The following TRAP1 variants were observed in gnomAD, a reference collection of about 807,000 sequenced individuals.
TRAP1 encodes heat shock protein 75 kDa, mitochondrial.
TRAP1 carries 102 observed loss-of-function variants against 89.1 expected under a neutral mutation model. That is an observed-to-expected ratio of 1.15 (90% CI 0.98 to 1.35). TRAP1 has a LOEUF of 1.35. Ranked by LOEUF, TRAP1 falls within the 40% of genes most tolerant of loss-of-function variation. The probability of loss-of-function intolerance (pLI) is 0.00; values close to 1 mark genes in which losing one functional copy is unlikely to be tolerated. For synonymous variants in TRAP1, 508 were observed against 388.0 expected, an observed-to-expected ratio of 1.31 and a Z score of -3.64; for missense variants, 1,256 against 945.3, an observed-to-expected ratio of 1.33 and a Z score of -4.31.
chr16:3,712,366 C>T (rs1441575312), intron 1 of TRAP1, among the ~76,000 whole-genome samples: 1 of 137,620 alleles, frequency 7.3e-6, no homozygotes, highest in Non-Finnish European at 1.5e-5. Context: ...GCCTCAGTAA[C>T]AGCCTCTTTC....
chr16:3,698,920 C>A (rs1200826760), intron 1 of TRAP1, among the ~76,000 whole-genome samples: 1 of 151,946 alleles, frequency 6.6e-6, no homozygotes, highest in Non-Finnish European at 1.5e-5. Flanking sequence ...AAAAATAAAC[C>A]ATTAGAGGAA....
At chr16:3,674,670 C>G in intron 8 of TRAP1, 176 bp from the exon 9 acceptor site, 1 of 724,092 alleles carries the variant, frequency 1.4e-6, no homozygotes, top group South Asian at 1.9e-5. Context: ...CCGGGTAGTG[C>G]AGGGGAGACA....
intron 1 of TRAP1, among the ~76,000 whole-genome samples, chr16:3,705,878 A>G (rs1422598504): frequency 6.6e-6 from 1 of 151,540 alleles, no homozygotes; most frequent in East Asian, 1.9e-4. Context: ...TTTTTAGTAG[A>G]GACGGGGTTT....
chr16:3,675,572 G>A (rs1023510384), intron 7 of TRAP1, among the ~76,000 whole-genome samples, 175 bp from the exon 8 acceptor site: 1 of 152,126 alleles, frequency 6.6e-6, no homozygotes, highest in Non-Finnish European at 1.5e-5. Flanking sequence ...CCAGTCTCAC[G>A]GGGGCAGCAG....
intron 5 of TRAP1, among the ~76,000 whole-genome samples, chr16:3,679,383 A>G (rs1362612727): frequency 6.6e-6 from 1 of 152,216 alleles, no homozygotes; most frequent in African/African-American, 2.4e-5. Context: ...TATATCTAGC[A>G]TTTACATTCT....
At chr16:3,658,750 G>T (rs1361027563) in intron 17 of TRAP1, 43 bp downstream of exon 17, 3 of 1,577,296 alleles carry the variant, frequency 1.9e-6, no homozygotes, top group Non-Finnish European at 1.7e-6. Context: ...TGGCAGGGCT[G>T]GTAGCCTGGG....
intron 11 of TRAP1, among the ~76,000 whole-genome samples, chr16:3,671,037 G>A (rs2050906194): frequency 1.3e-5 from 2 of 152,102 alleles, no homozygotes; most frequent in South Asian, 4.1e-4. Context: ...GAAACCGGTG[G>A]GCAGAGAAAC....
intron 9 of TRAP1, among the ~76,000 whole-genome samples, chr16:3,673,537 G>T (rs760743360): frequency 6.6e-6 from 1 of 152,216 alleles, no homozygotes; most frequent in Middle Eastern, 3.4e-3. Flanking sequence ...TTAAAATGTG[G>T]GGCGACCTGG....
At chr16:3,695,789 C>T (rs2051279043) in intron 1 of TRAP1, among the ~76,000 whole-genome samples, 1 of 152,120 alleles carries the variant, frequency 6.6e-6, no homozygotes, top group Middle Eastern at 3.2e-3. Context: ...GCGGAGTCAG[C>T]AGGTCTGAGC....
Position 3,671,760 on chromosome 16 carries a change from G to T in TRAP1, c.1197C>A (p.Asn399Lys). 6.2e-7 allele frequency: 1 copy of T among 1,613,272 alleles called. No homozygotes were observed. ...GVVDSEDIPL[N>K]LSRELLQESA... ...TCTCCTGCAGCAGCTCCCGGCTGAG[G>T]TTCAGGGGAATGTCCTCACTGTCCA... The change falls in exon 11 of 18, where the codon AAC becomes AAA. Residue 399 changes from asparagine to lysine, a missense_variant. Coordinates refer to ENST00000246957, the MANE Select transcript of TRAP1 (RefSeq NM_016292.3).
At chr16:3,714,744 T>G (rs962989460) in intron 1 of TRAP1, among the ~76,000 whole-genome samples, 10 of 152,120 alleles carry the variant, frequency 6.6e-5, no homozygotes, top group African/African-American at 2.4e-4. Context: ...GTAAGAGGGC[T>G]GAGCTCATGG....
Position 3,690,997 on chromosome 16 carries a change from A to C in TRAP1, c.89-12T>G. On this transcript the variant is annotated splice_polypyrimidine_tract_variant and intron_variant, in intron 1 of 17. Coordinates refer to ENST00000246957, the MANE Select transcript of TRAP1 (RefSeq NM_016292.3). Reference sequence around the variant, plus strand: ...CAGAATTGGTTTTCCTGAAAAGACAAATATGCAGAAAGAATGAGAATTAGG... The same window carrying C: ...CAGAATTGGTTTTCCTGAAAAGACACATATGCAGAAAGAATGAGAATTAGG... The C allele has an allele frequency of 6.8e-7, 1 of 1,466,748 alleles. No individual in the cohort carries two copies. The highest frequency in any genetic ancestry group is 9.1e-7 in the Non-Finnish European group (1 of 1,101,594). The allele number at this position is 1,466,748 out of a possible 1,614,324, so 90.9% of individuals were successfully genotyped here.
chr16:3,705,465 T>C (rs1165628813), intron 1 of TRAP1, among the ~76,000 whole-genome samples: 1 of 152,168 alleles, frequency 6.6e-6, no homozygotes, highest in Non-Finnish European at 1.5e-5. Flanking sequence ...ACTACTCATC[T>C]ATGTCTGTCT....
intron 11 of TRAP1, 30 bp from the exon 12 acceptor site, chr16:3,666,148 C>G (rs777435682): frequency 2.5e-6 from 4 of 1,594,946 alleles, no homozygotes; most frequent in Non-Finnish European, 3.4e-6. Context: ...TTAATACATA[C>G]AAGCAGCCTC....
chr16:3,713,680 C>T (rs1212148283), intron 1 of TRAP1, among the ~76,000 whole-genome samples: 1 of 152,240 alleles, frequency 6.6e-6, no homozygotes, highest in East Asian at 1.9e-4. Context: ...TGCAAAATGA[C>T]CAACCCGTCA....
In TRAP1 at chr16:3,664,385, G is replaced by A. The variant is rs555130426; in HGVS notation, c.1458C>T (p.Tyr486=). The A allele has an allele frequency of 3.5e-5, 56 of 1,612,342 alleles. 1 individual carries two copies. The East Asian group carries it at 4.9e-4, about 14-fold the overall frequency. ...GGGTGCCGGCCCGCATGCGGCTGGC[G>A]TATTCTGAGAGGCTGGTTAGCTGCC... ...PSGQLTSLSE[Y]ASRMRAGTRN... The change falls in exon 13 of 18, where the codon TAC becomes TAT. Residue 486 remains tyrosine (Y), a synonymous_variant. Transcript: ENST00000246957.
intron 1 of TRAP1, among the ~76,000 whole-genome samples, chr16:3,712,317 A>AAAGAT (rs2051542998): frequency 7.3e-6 from 1 of 136,586 alleles, no homozygotes; most frequent in Non-Finnish European, 1.6e-5. Flanking sequence ...AAAAAAAAAA[A>AAAGAT]AAGATATGTC....
At chr16:3,658,731 A>T (rs937979108) in intron 17 of TRAP1, 62 bp downstream of exon 17, 6 of 1,502,912 alleles carry the variant, frequency 4.0e-6, no homozygotes, top group African/African-American at 1.4e-5. Flanking sequence ...TTCCACCCTG[A>T]AGGCAGGCTG....
At chr16:3,673,834 G>A (rs1033750515) in intron 9 of TRAP1, among the ~76,000 whole-genome samples, 4 of 150,810 alleles carry the variant, frequency 2.7e-5, no homozygotes, top group Non-Finnish European at 5.9e-5. Flanking sequence ...AGGGGAGGTG[G>A]AGGGTGTGGA....
Sources: allele counts gnomAD v4.1 joint callset (sites outside exome capture counted in the v4.1 genomes callset), GRCh38; gene constraint gnomAD v4.1.1; transcripts MANE v1.5; gene names NCBI Gene and HGNC (gene_info 2026-07-23, HGNC 2026-07-21).